Variants in EVC2 observed in about 807,000 individuals in gnomAD.
EVC2 encodes the protein limbin.
A neutral mutation model predicts 149.3 loss-of-function variants in EVC2; 148 were observed. That is an observed-to-expected ratio of 0.99 (90% CI 0.87 to 1.14). The LOEUF (loss-of-function observed/expected upper bound fraction) is 1.14. Ranked by LOEUF, EVC2 falls within the 50% of genes most tolerant of loss-of-function variation. The pLI is 0.00. For missense variants in EVC2, 1,854 were observed against 1,627.3 expected (o/e 1.14, Z -2.40); for synonymous variants, 776 against 649.9 (o/e 1.19, Z -2.95).
Position 5,657,806 on chromosome 4 carries a change from A to C in EVC2, c.1145+5301T>G, listed in dbSNP as rs1225086781. On this transcript the variant is annotated intron_variant, in intron 9 of 21. Coordinates refer to ENST00000344408, the MANE Select transcript of EVC2 (RefSeq NM_147127.5). The surrounding 1 kb of genome is among the most constrained non-coding windows in gnomAD (Gnocchi z 4.7). ...TTGTGAAGAAAATCAGAATTTCAGG[A>C]TAAAGAATGGAGGCAGTGCTGCTGT... Among the ~76,000 whole-genome samples, 2 of 151,400 alleles carry C rather than the reference A, an allele frequency of 1.3e-5. No homozygotes were observed. The highest frequency in any genetic ancestry group is 4.9e-5 in the African/African-American group (2 of 41,190).
intron 16 of EVC2, among the ~76,000 whole-genome samples, chr4:5,590,631 G>C (rs1712706260): frequency 6.6e-6 from 1 of 151,576 alleles, no homozygotes; most frequent in Admixed American, 6.5e-5. Context: ...TGACCACAGA[G>C]TGGTTCAGGA....
Position 5,679,903 on chromosome 4 carries a change from A to G in EVC2, c.870+1357T>C, listed in dbSNP as rs1009031624. Among the ~76,000 whole-genome samples, 2 of 152,178 alleles carry G rather than the reference A, an allele frequency of 1.3e-5. No homozygotes were observed. The highest frequency in any genetic ancestry group is 6.5e-5 in the Admixed American group (1 of 15,276). ...AAACACACTGTACAGCTATACAAAA[A>G]TAGTTCCTTTCTTTATATCCTTACT... On this transcript the variant is annotated intron_variant, in intron 7 of 21. Coordinates refer to ENST00000344408, the MANE Select transcript of EVC2 (RefSeq NM_147127.5). The surrounding 1 kb of genome is among the most constrained non-coding windows in gnomAD (Gnocchi z 5.1).
chr4:5,697,442 G>C, intron 2 of EVC2, 151 bp downstream of exon 2: 2 of 771,868 alleles, frequency 2.6e-6, no homozygotes, highest in East Asian at 5.3e-5. Context: ...CACTGCCCTA[G>C]TTCTGTAAGG....
In EVC2 at chr4:5,672,514, G is replaced by A. The variant is rs186473712; in HGVS notation, c.871-6865C>T. ...ATGAAAAGAGGCTGCAGGAGGCAAC[G>A]GGACACGCCAGCAAGGACCGTGGAC... is the stretch of plus-strand genomic sequence containing the variant. On this transcript the variant is annotated intron_variant, in intron 7 of 21. Transcript: ENST00000344408. Among the ~76,000 whole-genome samples, 9 of 152,266 alleles carry A rather than the reference G, an allele frequency of 5.9e-5. No homozygotes were observed. In the East Asian group the frequency reaches 7.7e-4, roughly 13 times the overall value.
chr4:5,567,728 G>T lies in EVC2; in HGVS notation c.3557+716C>A, dbSNP rs1439203323. Among the ~76,000 whole-genome samples the T allele has an allele frequency of 6.6e-6, 1 of 151,952 alleles. No individual in the cohort carries two copies. The highest frequency in any genetic ancestry group is 2.4e-5 in the African/African-American group (1 of 41,366). ...GTTACCCATAATTTAAAAAAAAATG[G>T]GCCCAAACTGAATGTCAAGTGACGG... On this transcript the variant is annotated intron_variant, in intron 20 of 21. Transcript: ENST00000344408. The surrounding 1 kb of genome is among the most constrained non-coding windows in gnomAD (Gnocchi z 4.4).
In EVC2 at chr4:5,613,740, A is replaced by T. The variant is rs147167737; in HGVS notation, c.2829+1682T>A. Among the ~76,000 whole-genome samples, 1 of 152,248 alleles carries T rather than the reference A, an allele frequency of 6.6e-6. No homozygotes were observed. Among genetic ancestry groups the T allele is most frequent in the East Asian group, 1.9e-4 (1 of 5,174 alleles). On this transcript the variant is annotated intron_variant, in intron 16 of 21. Transcript: ENST00000344408. This position sits in a 1 kb window ranked among gnomAD's most constrained non-coding sequence, Gnocchi z 4.6. ...CACATTGATGTATATCTCTTGAATT[A>T]GCCTTTAACAATAGGTAAGATGACA... is the stretch of plus-strand genomic sequence containing the variant.
rs144200194 is a variant in EVC2 at position 5,615,289 on chromosome 4, C to T, written c.2829+133G>A. ...TTCCAACTCTTTCTTACCTTAGCACCTGAGTGAGTGAGCGGTTGGGTGGAG... is the reference window on the plus strand; with the variant it reads ...TTCCAACTCTTTCTTACCTTAGCACTTGAGTGAGTGAGCGGTTGGGTGGAG... On this transcript the variant is annotated intron_variant, in intron 16 of 21. Transcript: ENST00000344408. 228 of 1,452,732 alleles carry T rather than the reference C, an allele frequency of 1.6e-4. No homozygotes were observed. In the African/African-American group the frequency reaches 3.0e-3, roughly 19 times the overall value. 90.0% of individuals were successfully genotyped at this position (1,452,732 alleles called of 1,614,324 possible).
At chr4:5,635,267 C>T (rs1716821875) in intron 10 of EVC2, among the ~76,000 whole-genome samples, 1 of 151,982 alleles carries the variant, frequency 6.6e-6, no homozygotes, top group Non-Finnish European at 1.5e-5. Flanking sequence ...AAACACCTGA[C>T]CTCAGGTGAT....
chr4:5,590,455 C>T (rs943518416), intron 16 of EVC2, among the ~76,000 whole-genome samples: 3 of 152,176 alleles, frequency 2.0e-5, no homozygotes, highest in Non-Finnish European at 4.4e-5. Flanking sequence ...CCTTGCTACA[C>T]TCCCTCCCTC....
In EVC2 at chr4:5,625,330, A is replaced by ACACACACG. The variant is rs1716027022; in HGVS notation, c.2046+418_2046+419insCGTGTGTG. 6.6e-6 allele frequency among the ~76,000 whole-genome samples: 1 copy of ACACACACG among 151,850 alleles called. No homozygotes were observed. The highest frequency in any genetic ancestry group is 2.4e-5 in the African/African-American group (1 of 41,298). ...CATACACACACACACACACACACAC[A>ACACACACG]CACACACACACACACACAAACCCAG... On this transcript the variant is annotated intron_variant, in intron 13 of 21. Transcript: ENST00000344408. This position sits in a 1 kb window ranked among gnomAD's most constrained non-coding sequence, Gnocchi z 4.0.
intron 3 of EVC2, among the ~76,000 whole-genome samples, chr4:5,693,283 C>G (rs954031209): frequency 6.6e-6 from 1 of 152,178 alleles, no homozygotes; most frequent in Non-Finnish European, 1.5e-5. Context: ...TTCTGATCCC[C>G]AGAACCTGTG....
chr4:5,615,605 C>T (rs1231122957), intron 15 of EVC2, 61 bp from the exon 16 acceptor site: 45 of 1,612,436 alleles, frequency 2.8e-5, no homozygotes, highest in Non-Finnish European at 2.3e-5. Context: ...CCATGCAGCT[C>T]CCCCGAGGGC....
chr4:5,602,146 G>A (rs1470220484), intron 16 of EVC2, among the ~76,000 whole-genome samples: 2 of 151,924 alleles, frequency 1.3e-5, no homozygotes, highest in Non-Finnish European at 2.9e-5. Context: ...TTAAAAATTA[G>A]TAGGGTAGTG....
At chr4:5,656,125 G>A (rs1718503946) in intron 9 of EVC2, among the ~76,000 whole-genome samples, 1 of 152,076 alleles carries the variant, frequency 6.6e-6, no homozygotes, top group African/African-American at 2.4e-5. Flanking sequence ...TCCACCAAAT[G>A]GTCCACAAAC....
intron 11 of EVC2, 64 bp downstream of exon 11, chr4:5,631,729 G>A: frequency 6.2e-7 from 1 of 1,600,656 alleles, no homozygotes; most frequent in Non-Finnish European, 8.5e-7. Context: ...CTCTGAGAGA[G>A]GAGACATTTA....
chr4:5,591,848 A>C (rs1712830691), intron 16 of EVC2, among the ~76,000 whole-genome samples: 1 of 152,252 alleles, frequency 6.6e-6, no homozygotes, highest in South Asian at 2.1e-4. Flanking sequence ...CACTGAGAAT[A>C]ATACAAATTC....
chr4:5,542,925 G>A (rs1721542460), intron 22 of EVC2: 3 of 347,356 alleles, frequency 8.6e-6, no homozygotes, highest in Non-Finnish European at 1.7e-5. Context: ...AGGATCAGCA[G>A]CATCGGTAAC....
chr4:5,697,483 G>C (rs995308060), intron 2 of EVC2, 110 bp downstream of exon 2: 27 of 1,078,968 alleles, frequency 2.5e-5, no homozygotes, highest in Non-Finnish European at 3.5e-5. Context: ...CCAAAGTAGA[G>C]AGGTGCTGGA....
intron 17 of EVC2, among the ~76,000 whole-genome samples, chr4:5,583,786 A>C (rs1042975734): frequency 6.6e-6 from 1 of 151,730 alleles, no homozygotes; most frequent in Non-Finnish European, 1.5e-5. Context: ...TTCAAAAAAA[A>C]ATCTCTTCAC....
Sources: allele counts gnomAD v4.1 joint callset (sites outside exome capture counted in the v4.1 genomes callset), GRCh38; gene constraint gnomAD v4.1.1; non-coding constraint Gnocchi (gnomAD v3.1); transcripts MANE v1.5; gene names NCBI Gene and HGNC (gene_info 2026-07-23, HGNC 2026-07-21).